ARFGEF1: variants seen among roughly 807,000 people sequenced by gnomAD.
The protein encoded by ARFGEF1 is brefeldin A-inhibited guanine nucleotide-exchange protein 1.
In ARFGEF1, 42 loss-of-function variants were observed where a neutral mutation model predicts 231.0. The ratio of observed to expected loss-of-function variants is 0.18; its 90% CI spans 0.14 to 0.24. The LOEUF is 0.24. Among genes scored for constraint, ARFGEF1 ranks in the 10% least tolerant of loss-of-function variants. The pLI, the probability that ARFGEF1 is intolerant of heterozygous loss-of-function variation, is 1.00. For missense variants in ARFGEF1, 1,345 were observed against 2,192.0 expected (o/e 0.61, Z 7.72); for synonymous variants, 710 against 732.3 (o/e 0.97, Z 0.49).
chr8:67,196,470 G>GACTC (rs760811462), downstream of ARFGEF1, among the ~76,000 whole-genome samples: 8 of 152,136 alleles, frequency 5.3e-5, no homozygotes, highest in African/African-American at 9.7e-5. Context: ...GTGACATTCT[G>GACTC]ACTCAGATTA....
At chr8:67,204,962 G>A (rs1838459102) in intron 34 of ARFGEF1, 143 bp from the exon 35 acceptor site, 1 of 941,128 alleles carries the variant, frequency 1.1e-6, no homozygotes, top group Non-Finnish European at 1.5e-6. Context: ...TTTGCACACA[G>A]GCACTACTCA....
At chr8:67,238,640 T>C in intron 21 of ARFGEF1, 95 bp downstream of exon 21, 1 of 1,479,034 alleles carries the variant, frequency 6.8e-7, no homozygotes, top group Non-Finnish European at 9.2e-7. Context: ...TGTACTAATT[T>C]TCTCCCCTAA....
At chr8:67,257,689 T>C (rs1394038300) in intron 17 of ARFGEF1, 43 bp downstream of exon 17, 2 of 1,415,578 alleles carry the variant, frequency 1.4e-6, no homozygotes, top group Middle Eastern at 1.8e-4. Flanking sequence ...AATGTACTTA[T>C]TTTGTACCGC....
intron 5 of ARFGEF1, chr8:67,190,751 C>G: frequency 6.2e-7 from 1 of 1,607,702 alleles, no homozygotes; most frequent in Non-Finnish European, 8.5e-7. Context: ...ATGGAAAGGA[C>G]TAGACATTGT....
chr8:67,204,572 AT>A lies in ARFGEF1; in HGVS notation c.4959+107del, dbSNP rs538929817. 5.2e-5 allele frequency: 68 copies of A among 1,295,464 alleles called. 1 individual carries two copies. The South Asian group carries it at 9.7e-4, about 18-fold the overall frequency. 80.2% of individuals were successfully genotyped at this position (1,295,464 alleles called of 1,614,324 possible). A position where few individuals can be genotyped will look rare whatever the true frequency, so the allele number is the denominator to read the frequency against. ...TCTCATGGTTTAAAAGGACATCTGT[AT>A]GATGAAGGCCCCACAAACTAATTCT... On this transcript the variant is annotated intron_variant, in intron 35 of 38. Coordinates refer to ENST00000262215, the MANE Select transcript of ARFGEF1 (RefSeq NM_006421.5).
intron 1 of ARFGEF1, among the ~76,000 whole-genome samples, chr8:67,305,296 T>C (rs1367271054): frequency 6.6e-6 from 1 of 152,196 alleles, no homozygotes; most frequent in East Asian, 1.9e-4. Flanking sequence ...GCTGAACATC[T>C]GCAATCAACT....
chr8:67,184,133 G>A (rs970894886), intron 5 of ARFGEF1, among the ~76,000 whole-genome samples: 4 of 152,142 alleles, frequency 2.6e-5, no homozygotes, highest in African/African-American at 7.2e-5. Flanking sequence ...GATTATAGGC[G>A]TGAGCCACTG....
intron 17 of ARFGEF1, among the ~76,000 whole-genome samples, chr8:67,254,177 T>C (rs373963931): frequency 2.6e-5 from 4 of 152,204 alleles, no homozygotes; most frequent in African/African-American, 9.6e-5. Context: ...TGTATAAGAG[T>C]ACCCTAAACA....
chr8:67,177,608 A>G, intron 5 of ARFGEF1: 2 of 933,592 alleles, frequency 2.1e-6, no homozygotes, highest in Non-Finnish European at 3.4e-6. Flanking sequence ...CAAAAAAGAT[A>G]TTCTAAAATT....
chr8:67,240,233 T>G lies in ARFGEF1; in HGVS notation c.2908A>C (p.Thr970Pro). ...TCCAGGCAAAGAGAGGCTACTTCAG[T>G]ATCATCACAATCTTGTAGACCCACA... ...FSVGLQDCDDTEVASLCLEGI... is the reference protein window; with the variant it reads ...FSVGLQDCDDPEVASLCLEGI... The change falls in exon 20 of 39, where the codon ACT (threonine) becomes CCT (proline). Residue 970 changes from threonine to proline, a missense_variant. This residue lies in a region of ARFGEF1 where 146 missense variants were observed against 321.4 expected (regional missense o/e 0.45). Transcript: ENST00000262215. 1 of 1,613,226 alleles carries G rather than the reference T, an allele frequency of 6.2e-7. No homozygotes were observed. The highest frequency in any genetic ancestry group is 1.3e-5 in the African/African-American group (1 of 75,014).
chr8:67,238,433 G>C lies in ARFGEF1; in HGVS notation c.3199C>G (p.Arg1067Gly). ...AQLIGTGVKP[R>G]YISGTVRGRE... ...CCTCGCACTGTTCCAGAAATGTATC[G>C]AGGTTTCACTCCAGTTCCTATAAGC... The change falls in exon 22 of 39, where the codon CGA (arginine) becomes GGA (glycine). Residue 1067 changes from arginine (R) to glycine (G), a missense_variant. Arg to Gly is a moderately radical substitution (Grantham distance 125, BLOSUM62 -2). Coordinates refer to ENST00000262215, the MANE Select transcript of ARFGEF1 (RefSeq NM_006421.5). 6.2e-7 allele frequency: 1 copy of C among 1,613,878 alleles called. No individual in the cohort carries two copies. Among genetic ancestry groups the C allele is most frequent in the Non-Finnish European group, 8.5e-7 (1 of 1,179,910 alleles).
At chr8:67,301,724 T>C (rs1234232210) in intron 2 of ARFGEF1, among the ~76,000 whole-genome samples, 1 of 152,230 alleles carries the variant, frequency 6.6e-6, no homozygotes, top group East Asian at 1.9e-4. Flanking sequence ...GCCTTTCTAT[T>C]TGTCCTTAAG....
chr8:67,219,355 C>T, intron 30 of ARFGEF1, 76 bp downstream of exon 30: 1 of 1,479,310 alleles, frequency 6.8e-7, no homozygotes, highest in Non-Finnish European at 9.0e-7. Context: ...TAATTTGAAA[C>T]ACTAAAATGT....
intron 36 of ARFGEF1, chr8:67,201,931 G>T (rs1838344295): frequency 9.6e-6 from 3 of 313,840 alleles, no homozygotes; most frequent in South Asian, 8.5e-5. Context: ...CAACCCCCAG[G>T]AGGTGAGAAC....
intron 1 of ARFGEF1, among the ~76,000 whole-genome samples, chr8:67,340,849 T>A (rs79938254): frequency 0.034 from 5,168 of 152,292 alleles, 138 homozygotes; most frequent in Non-Finnish European, 0.054. Context: ...AAATCTGGAA[T>A]AGACAACCCT....
chr8:67,334,136 CAAAAA>C (rs368714166), intron 1 of ARFGEF1, among the ~76,000 whole-genome samples: 1,609 of 43,710 alleles, frequency 0.037, 26 homozygotes, highest in African/African-American at 0.12. Context: ...AACTCCGTCT[CAAAAA>C]AAAAAAAAAA....
chr8:67,222,223 ATG>A (rs753714999), intron 29 of ARFGEF1, among the ~76,000 whole-genome samples: 136 of 96,358 alleles, frequency 1.4e-3, no homozygotes, highest in African/African-American at 4.0e-3. Context: ...ATATATATAT[ATG>A]TATATGTATG....
At chr8:67,204,651 A>G (rs552702564) in intron 35 of ARFGEF1, 29 bp downstream of exon 35, 5 of 1,593,378 alleles carry the variant, frequency 3.1e-6, no homozygotes, top group Middle Eastern at 1.7e-4. Flanking sequence ...ACTTACACAA[A>G]AAAAGCAGCT....
intron 3 of ARFGEF1, among the ~76,000 whole-genome samples, 163 bp from the exon 4 acceptor site, chr8:67,299,518 T>C (rs906909830): frequency 6.6e-6 from 1 of 152,216 alleles, no homozygotes; most frequent in Non-Finnish European, 1.5e-5. Flanking sequence ...ACTTTTTCTG[T>C]AGAAACTTTA....
Sources: gnomAD v4.1 joint callset for allele counts (sites outside exome capture counted in the v4.1 genomes callset) on GRCh38, gnomAD v4.1.1 for gene constraint, gnomAD v4.1.1 regional missense constraint, MANE v1.5 for transcripts, NCBI Gene and HGNC (gene_info 2026-07-23, HGNC 2026-07-21) for gene names.